Variants in BLM observed in about 807,000 individuals in gnomAD.
BLM encodes the protein BLM RecQ like helicase.
A neutral mutation model predicts 135.3 loss-of-function variants in BLM; 95 were observed. The ratio of observed to expected loss-of-function variants is 0.70; its 90% confidence interval spans 0.59 to 0.83. BLM has a LOEUF of 0.83. Ranked by LOEUF, BLM falls within the 40% of genes least tolerant of loss-of-function variation. BLM has a pLI of 0.00. For missense variants in BLM, 1,518 were observed against 1,663.9 expected (o/e 0.91, Z 1.53); for synonymous variants, 520 against 589.2 (o/e 0.88, Z 1.70).
In BLM at chr15:90,747,410, A is replaced by G. The variant is rs372771577; in HGVS notation, c.18A>G (p.Gln6=). The G allele has an allele frequency of 1.2e-6, 2 of 1,610,798 alleles. No individual in the cohort carries two copies. Among genetic ancestry groups the G allele is most frequent in the African/African-American group, 2.7e-5 (2 of 75,016 alleles). MAAVP[Q]NNLQEQLERH... ...TTAGGATTATGGCTGCTGTTCCTCAAAATAATCTACAGGAGCAACTAGAAC... is the reference window on the plus strand; with the variant it reads ...TTAGGATTATGGCTGCTGTTCCTCAGAATAATCTACAGGAGCAACTAGAAC... The change falls in exon 2 of 22, where the codon CAA becomes CAG. Residue 6 remains glutamine, a synonymous_variant. Transcript: ENST00000355112.
chr15:90,813,661 G>A (rs1682283053), intron 21 of BLM, among the ~76,000 whole-genome samples: 1 of 152,158 alleles, frequency 6.6e-6, no homozygotes, highest in Non-Finnish European at 1.5e-5. Flanking sequence ...GTGCTGGGAT[G>A]ACAGGCGTGA....
intron 15 of BLM, among the ~76,000 whole-genome samples, chr15:90,791,737 C>T (rs532670471): frequency 6.6e-6 from 1 of 152,152 alleles, no homozygotes; most frequent in African/African-American, 2.4e-5. Flanking sequence ...CTCCCGGGTT[C>T]AAGCGATTTT....
intron 15 of BLM, chr15:90,793,947 GAAAA>G (rs200858224): frequency 5.5e-5 from 16 of 289,964 alleles, no homozygotes; most frequent in Non-Finnish European, 9.5e-5. Context: ...ATGAAGATTT[GAAAA>G]AAAAAAACCT....
intron 1 of BLM, among the ~76,000 whole-genome samples, chr15:90,733,794 T>G (rs1895128177): frequency 6.6e-6 from 1 of 152,208 alleles, no homozygotes; most frequent in Non-Finnish European, 1.5e-5. Flanking sequence ...TTCTGCCTTC[T>G]TGCTCTCTTC....
Position 90,760,974 on chromosome 15 carries a change from A to G in BLM, c.1601A>G (p.Asn534Ser), listed in dbSNP as rs35224686. 308 of 1,613,772 alleles carry G rather than the reference A, an allele frequency of 1.9e-4. No homozygotes were observed. In the African/African-American group the frequency reaches 3.8e-3, roughly 20 times the overall value. ...VLTSTAVKDQ[N>S]KHTASINDLE... ...ACAAGCACTGCTGTGAAAGATCAGA[A>G]TAAACATACTGCTTCAATAAATGAC... The change falls in exon 7 of 22, where the codon AAT becomes AGT. Residue 534 changes from asparagine (N) to serine (S), a missense_variant. Asn to Ser is a conservative substitution (Grantham distance 46). Coordinates refer to ENST00000355112, the MANE Select transcript of BLM (RefSeq NM_000057.4).
chr15:90,801,118 C>T (rs1036529390), intron 17 of BLM, among the ~76,000 whole-genome samples: 3 of 150,564 alleles, frequency 2.0e-5, no homozygotes, highest in African/African-American at 7.3e-5. Flanking sequence ...CACTGCACTC[C>T]AGCCTGGGTG....
rs200210516 is a variant in BLM, at chr15:90,794,152, C to T, written c.3020-15C>T. The stretch of plus-strand genomic sequence containing the variant: ...CCCTATAAGTATGTCTTACTATAGT[C>T]TTCATCTCTTTTAGTGGAAAAAGAT... On this transcript the variant is annotated splice_polypyrimidine_tract_variant and intron_variant, in intron 15 of 21. Transcript: ENST00000355112. 1,474 of 1,574,386 alleles carry T rather than the reference C, an allele frequency of 9.4e-4. 1 individual carries two copies. The highest frequency in any genetic ancestry group is 1.2e-3 in the Non-Finnish European group (1,380 of 1,147,872).
chr15:90,751,463 C>T (rs1426382663), intron 3 of BLM, among the ~76,000 whole-genome samples: 1 of 152,132 alleles, frequency 6.6e-6, no homozygotes, highest in Non-Finnish European at 1.5e-5. Flanking sequence ...TGCACTTTAC[C>T]CTTATTTAAA....
intron 1 of BLM, among the ~76,000 whole-genome samples, chr15:90,739,253 T>G (rs1027008254): frequency 5.9e-5 from 9 of 151,966 alleles, no homozygotes; most frequent in African/African-American, 1.9e-4. Context: ...ACAGAAAAAT[T>G]AGCTGGGCTT....
At chr15:90,812,754 A>C (rs1004730878) in intron 21 of BLM, among the ~76,000 whole-genome samples, 2 of 152,234 alleles carry the variant, frequency 1.3e-5, no homozygotes, top group African/African-American at 4.8e-5. Context: ...AAGAGAAAGG[A>C]AGGCAGACAT....
At chr15:90,771,573 G>A (rs1896317443) in intron 12 of BLM, among the ~76,000 whole-genome samples, 1 of 149,644 alleles carries the variant, frequency 6.7e-6, no homozygotes, top group Non-Finnish European at 1.5e-5. Flanking sequence ...AAGTACTTCT[G>A]TAAGTACTAC....
chr15:90,757,890 T>C (rs918886209), intron 5 of BLM, among the ~76,000 whole-genome samples: 4 of 147,706 alleles, frequency 2.7e-5, no homozygotes, highest in Non-Finnish European at 4.5e-5. Flanking sequence ...TTTTCCTTTT[T>C]TTCATCTTTT....
rs751193852 is a variant in BLM, at chr15:90,811,726, C to T, written c.4076+320C>T. Among the ~76,000 whole-genome samples the T allele has an allele frequency of 6.6e-6, 1 of 152,140 alleles. No individual in the cohort carries two copies. Among genetic ancestry groups the T allele is most frequent in the Admixed American group, 6.5e-5 (1 of 15,280 alleles). On this transcript the variant is annotated intron_variant, in intron 21 of 21. Transcript: ENST00000355112. ...AGGCTAGAGTGCAGTGGCACAATCT[C>T]GGCTCACTGCAACCTCTGCCTCCTG...
rs1895693953 is a variant in BLM at position 90,751,852 on chromosome 15, A to G, written c.865A>G (p.Ile289Val). 1 of 1,612,478 alleles carries G rather than the reference A, an allele frequency of 6.2e-7. No homozygotes were observed. The highest frequency in any genetic ancestry group is 8.5e-7 in the Non-Finnish European group (1 of 1,178,584). The change falls in exon 4 of 22, where the codon ATT becomes GTT. Residue 289 changes from isoleucine to valine, a missense_variant. This residue lies in a region of BLM where 724 missense variants were observed against 756.9 expected (regional missense o/e 0.96). Transcript: ENST00000355112. Reference sequence around the variant, plus strand: ...ACATTCAACTGAGAAAGTTCCATGTATTGAATTTGATGATGATGATTATGA... The same window carrying G: ...ACATTCAACTGAGAAAGTTCCATGTGTTGAATTTGATGATGATGATTATGA... ...ELHSTEKVPC[I>V]EFDDDDYDTD...
intron 7 of BLM, among the ~76,000 whole-genome samples, chr15:90,761,531 G>A (rs573565795): frequency 6.6e-6 from 1 of 152,240 alleles, no homozygotes; most frequent in South Asian, 2.1e-4. Context: ...ACATTTTTTA[G>A]TTCCTAAAAC....
chr15:90,728,514 A>G (rs1389626508), intron 1 of BLM, among the ~76,000 whole-genome samples: 1 of 152,232 alleles, frequency 6.6e-6, no homozygotes, highest in South Asian at 2.1e-4. Context: ...TTCCTGCCTC[A>G]GCCTCCCGGG....
chr15:90,809,540 G>A (rs994000732), intron 20 of BLM, among the ~76,000 whole-genome samples: 1 of 152,154 alleles, frequency 6.6e-6, no homozygotes, highest in Non-Finnish European at 1.5e-5. Flanking sequence ...TCAGAGCCCT[G>A]GGTACCAGTT....
At position 90,810,243 on chromosome 15, in the gene BLM, T is replaced by TG. The variant is rs1897380262; in HGVS notation, c.3875-958dup. Among the ~76,000 whole-genome samples the TG allele has an allele frequency of 2.6e-5, 4 of 152,012 alleles. No individual in the cohort carries two copies. In the South Asian group the frequency reaches 8.3e-4, roughly 32 times the overall value. On this transcript the variant is annotated intron_variant, in intron 20 of 21. Transcript: ENST00000355112. ...TATTTTTGTATTTTTTTGGTAGAGTTGGGGTTTCACTATGTTGGCCAGGCT... is the reference window on the plus strand; with the variant it reads ...TATTTTTGTATTTTTTTGGTAGAGTTGGGGGTTTCACTATGTTGGCCAGGCT...
chr15:90,718,628 A>G (rs953410049), intron 1 of BLM, among the ~76,000 whole-genome samples: 1 of 152,258 alleles, frequency 6.6e-6, no homozygotes, highest in African/African-American at 2.4e-5. Flanking sequence ...GTCAGACAGT[A>G]GCTTATAATC....
Sources: allele counts gnomAD v4.1 joint callset (sites outside exome capture counted in the v4.1 genomes callset), GRCh38; gene constraint gnomAD v4.1.1; regional missense constraint gnomAD v4.1.1; transcripts MANE v1.5; gene names NCBI Gene and HGNC (gene_info 2026-07-23, HGNC 2026-07-21).